DIAPH3: variants seen among roughly 807,000 people sequenced by gnomAD.
DIAPH3 encodes the protein protein diaphanous homolog 3.
DIAPH3 carries 117 observed loss-of-function variants against 144.3 expected under a neutral mutation model. That is an observed-to-expected ratio of 0.81 (90% confidence interval 0.70 to 0.95). The LOEUF is 0.95. Among genes scored for constraint, DIAPH3 ranks in the 40% least tolerant of loss-of-function variants. The pLI is 0.00. For missense variants in DIAPH3, 1,421 were observed against 1,412.7 expected, an observed-to-expected ratio of 1.01 and a Z score of -0.09; for synonymous variants, 519 against 488.9, an observed-to-expected ratio of 1.06 and a Z score of -0.81.
chr13:60,163,461 A>G (rs573270796), intron 1 of DIAPH3, 126 bp downstream of exon 1: 2 of 1,332,684 alleles, frequency 1.5e-6, no homozygotes, highest in East Asian at 2.4e-5. Context: ...TTGTCAATCT[A>G]TGATCTTTGG....
rs1179993489 is a variant in DIAPH3 at position 59,861,804 on chromosome 13, AAC to A, written c.2608-270_2608-269del. On this transcript the variant is annotated intron_variant, in intron 21 of 27. Transcript: ENST00000400324. Reference sequence around the variant, plus strand: ...AAAAAATATGGAAAATGCCTAGGAAAACAGAGTAACCTATGAGTCTATTTAAT... The same window carrying A: ...AAAAAATATGGAAAATGCCTAGGAAAAGAGTAACCTATGAGTCTATTTAAT... 2.0e-5 allele frequency among the ~76,000 whole-genome samples: 3 copies of A among 152,174 alleles called. No homozygotes were observed. In the East Asian group the frequency reaches 5.8e-4, roughly 29 times the overall value.
intron 17 of DIAPH3, among the ~76,000 whole-genome samples, chr13:59,966,941 A>G (rs1458270261): frequency 1.3e-5 from 2 of 152,176 alleles, no homozygotes; most frequent in Non-Finnish European, 2.9e-5. Flanking sequence ...CCAGCAGCCA[A>G]TGCCTCTACC....
rs2051955085 is a variant in DIAPH3, at chr13:59,993,267, AACTTCTCC to A, written c.1015-692_1015-685del. 2.0e-5 allele frequency among the ~76,000 whole-genome samples: 3 copies of A among 152,002 alleles called. No individual in the cohort carries two copies. In the South Asian group the frequency reaches 6.2e-4, roughly 31 times the overall value. On this transcript the variant is annotated intron_variant, in intron 9 of 27. Coordinates refer to ENST00000400324, the MANE Select transcript of DIAPH3 (RefSeq NM_001042517.2). ...GCTCATGTTTAACACTTCAACTTTCAACTTCTCCACTTTTTTCATCCCTGGCTAAAATA... is the reference window on the plus strand; with the variant it reads ...GCTCATGTTTAACACTTCAACTTTCAACTTTTTTCATCCCTGGCTAAAATA...
intron 2 of DIAPH3, among the ~76,000 whole-genome samples, chr13:60,114,750 T>A (rs2058660629): frequency 6.6e-6 from 1 of 150,974 alleles, no homozygotes; most frequent in African/African-American, 2.4e-5. Flanking sequence ...CAGCAAACCA[T>A]AAAACTACAG....
At chr13:59,903,911 A>G (rs887564231) in intron 20 of DIAPH3, among the ~76,000 whole-genome samples, 2 of 152,242 alleles carry the variant, frequency 1.3e-5, no homozygotes, top group Admixed American at 6.5e-5. Context: ...AGATGAGCAC[A>G]ATACACTCTA....
intron 15 of DIAPH3, among the ~76,000 whole-genome samples, chr13:59,974,012 T>G (rs1594182594): frequency 6.6e-6 from 1 of 152,096 alleles, no homozygotes; most frequent in South Asian, 2.1e-4. Context: ...ATAAATAGCT[T>G]GAGCAATAAT....
chr13:59,669,509 C>T (rs2032230885), intron 27 of DIAPH3, among the ~76,000 whole-genome samples: 1 of 152,210 alleles, frequency 6.6e-6, no homozygotes, highest in African/African-American at 2.4e-5. Context: ...ATCCGCCCCT[C>T]CTGTTAGGAT....
At chr13:59,833,922 C>CAAAAA (rs1555310635) in intron 23 of DIAPH3, among the ~76,000 whole-genome samples, 1 of 10,430 alleles carries the variant, frequency 9.6e-5, no homozygotes, top group East Asian at 0.016. Flanking sequence ...GTTCTAAAAG[C>CAAAAA]AAACAAAATT....
intron 1 of DIAPH3, among the ~76,000 whole-genome samples, chr13:60,142,340 G>C (rs950956526): frequency 3.3e-5 from 5 of 152,054 alleles, no homozygotes; most frequent in African/African-American, 1.2e-4. Context: ...GAAGGTATTA[G>C]AAATACTCTC....
intron 2 of DIAPH3, among the ~76,000 whole-genome samples, chr13:60,122,648 T>C (rs2058877200): frequency 6.6e-6 from 1 of 152,156 alleles, no homozygotes; most frequent in Non-Finnish European, 1.5e-5. Context: ...AAATAAAAAA[T>C]AATTAACACA....
Position 59,666,770 on chromosome 13 carries a change from G to T in DIAPH3, c.3396C>A (p.Val1132=). The change falls in exon 28 of 28, where the codon GTC becomes GTA. Residue 1132 remains valine, a synonymous_variant. Coordinates refer to ENST00000400324, the MANE Select transcript of DIAPH3 (RefSeq NM_001042517.2). ...NINCNSTRTP[V]AKELNYNLDT... is the part of the protein sequence containing the mutation. Reference sequence around the variant, plus strand: ...CTAGATTATAATTAAGCTCCTTGGCGACTGGAGTCCTTGTTGAGTTGCAAT... The same window carrying T: ...CTAGATTATAATTAAGCTCCTTGGCTACTGGAGTCCTTGTTGAGTTGCAAT... 6.2e-7 allele frequency: 1 copy of T among 1,614,078 alleles called. No individual in the cohort carries two copies.
intron 7 of DIAPH3, among the ~76,000 whole-genome samples, chr13:60,013,783 T>C (rs1217067227): frequency 3.3e-5 from 5 of 152,286 alleles, no homozygotes; most frequent in South Asian, 4.1e-4. Context: ...TTTGTACTTA[T>C]AGATGTGATC....
chr13:59,709,219 T>C (rs1254421950), intron 27 of DIAPH3, among the ~76,000 whole-genome samples: 1 of 152,186 alleles, frequency 6.6e-6, no homozygotes, highest in African/African-American at 2.4e-5. Flanking sequence ...TTTTATTAAG[T>C]TGGTCTTTTT....
intron 27 of DIAPH3, among the ~76,000 whole-genome samples, chr13:59,756,234 C>G (rs899415233): frequency 3.3e-5 from 5 of 152,086 alleles, no homozygotes; most frequent in Non-Finnish European, 7.4e-5. Flanking sequence ...CTTATAGCAT[C>G]TGTTTTCTCT....
chr13:60,083,149 C>T lies in DIAPH3; in HGVS notation c.495+10479G>A, dbSNP rs147265277. Among the ~76,000 whole-genome samples, 599 of 152,080 alleles carry T rather than the reference C, an allele frequency of 3.9e-3. 5 individuals carry two copies. The highest frequency in any genetic ancestry group is 0.014 in the African/African-American group (582 of 41,512). ...TCAGATCAAAATGACTAGGAGCCAACTAGACAAGTCCCAATGGCCAAAGAT... is the reference window on the plus strand; with the variant it reads ...TCAGATCAAAATGACTAGGAGCCAATTAGACAAGTCCCAATGGCCAAAGAT... On this transcript the variant is annotated intron_variant, in intron 4 of 27. Transcript: ENST00000400324.
chr13:60,013,193 G>A (rs564248746), intron 7 of DIAPH3: 2 of 985,370 alleles, frequency 2.0e-6, no homozygotes, highest in South Asian at 4.7e-5. Context: ...CTAAACTGAG[G>A]ATCAATGCCA....
intron 22 of DIAPH3, among the ~76,000 whole-genome samples, chr13:59,843,060 T>C (rs2042433724): frequency 6.6e-6 from 1 of 152,242 alleles, no homozygotes; most frequent in Non-Finnish European, 1.5e-5. Context: ...TTTAATCGTA[T>C]GTTTACTACT....
At chr13:59,905,759 G>A (rs2046701663) in intron 20 of DIAPH3, among the ~76,000 whole-genome samples, 1 of 152,120 alleles carries the variant, frequency 6.6e-6, no homozygotes, top group Non-Finnish European at 1.5e-5. Flanking sequence ...GGGTTGTGAT[G>A]CCAAAAATAG....
At chr13:59,756,449 G>GAAGGAAAT (rs2037269896) in intron 27 of DIAPH3, among the ~76,000 whole-genome samples, 1 of 77,342 alleles carries the variant, frequency 1.3e-5, no homozygotes, top group Non-Finnish European at 2.8e-5. Flanking sequence ...AGGAAAGAAG[G>GAAGGAAAT]AAGGAAGGAA....
Sources: gnomAD v4.1 joint callset for allele counts (sites outside exome capture counted in the v4.1 genomes callset) on GRCh38, gnomAD v4.1.1 for gene constraint, MANE v1.5 for transcripts, NCBI Gene and HGNC (gene_info 2026-07-23, HGNC 2026-07-21) for gene names.